Variants in LHFPL2 observed in about 807,000 individuals in gnomAD.
LHFPL2 encodes LHFPL tetraspan subfamily member 2, also known as LHFPL tetraspan subfamily member 2 protein.
LHFPL2 carries 7 observed loss-of-function variants against 17.5 expected under a neutral mutation model. The observed-to-expected ratio is 0.40, with a 90% CI of 0.23 to 0.75. The LOEUF is 0.75. Ranked by LOEUF, LHFPL2 falls within the 30% of genes least tolerant of loss-of-function variation. The pLI is 0.37. For synonymous variants in LHFPL2, 134 were observed against 116.2 expected (o/e 1.15, Z -0.99); for missense variants, 241 against 294.8 (o/e 0.82, Z 1.34).
intron 3 of LHFPL2, among the ~76,000 whole-genome samples, chr5:78,552,391 C>T (rs1437504356): frequency 6.6e-6 from 1 of 152,190 alleles, no homozygotes; most frequent in African/African-American, 2.4e-5. Context: ...CCTCGGCCTC[C>T]CAAAGTGCTG....
chr5:78,521,644 C>T (rs1755461908), intron 3 of LHFPL2, among the ~76,000 whole-genome samples: 1 of 152,160 alleles, frequency 6.6e-6, no homozygotes, highest in Non-Finnish European at 1.5e-5. Flanking sequence ...GTGAGAGGTT[C>T]TGATAAGATA....
At chr5:78,643,019 C>A (rs982577076) in intron 1 of LHFPL2, among the ~76,000 whole-genome samples, 4 of 152,052 alleles carry the variant, frequency 2.6e-5, no homozygotes, top group Non-Finnish European at 5.9e-5. Flanking sequence ...GGAGCTGTTT[C>A]TAAAGTGCAA....
intron 4 of LHFPL2, among the ~76,000 whole-genome samples, chr5:78,493,569 T>G (rs1196518334): frequency 6.6e-6 from 1 of 152,222 alleles, no homozygotes; most frequent in African/African-American, 2.4e-5. Flanking sequence ...AGCAGGACCT[T>G]AATAAAAATT....
At chr5:78,552,770 T>C (rs989482331) in intron 3 of LHFPL2, among the ~76,000 whole-genome samples, 7 of 152,158 alleles carry the variant, frequency 4.6e-5, no homozygotes, top group Non-Finnish European at 7.4e-5. Context: ...TGATAGAAAA[T>C]ATATGGCAAA....
rs149713659 is a variant in LHFPL2, at chr5:78,620,681, C to T, written c.-245+11583G>A. Among the ~76,000 whole-genome samples, 9 of 152,298 alleles carry T rather than the reference C, an allele frequency of 5.9e-5. 1 individual carries two copies. Among genetic ancestry groups the T allele is most frequent in the African/African-American group, 1.9e-4 (8 of 41,572 alleles). ...AGCAGAGGCCAGGGACACCGCTAGG[C>T]ATCCACTATAGGAAGCACAGGACAA... On this transcript the variant is annotated intron_variant, in intron 2 of 4. Transcript: ENST00000380345.
intron 2 of LHFPL2, among the ~76,000 whole-genome samples, chr5:78,566,152 A>G (rs918794383): frequency 9.2e-5 from 14 of 152,256 alleles, no homozygotes; most frequent in African/African-American, 3.4e-4. Context: ...CAAGAAGTCC[A>G]CATGCTTATT....
At chr5:78,493,949 A>G (rs1369089194) in intron 4 of LHFPL2, among the ~76,000 whole-genome samples, 1 of 152,216 alleles carries the variant, frequency 6.6e-6, no homozygotes, top group East Asian at 1.9e-4. Flanking sequence ...GCTTGGTCAT[A>G]GGTTACGTCC....
intron 4 of LHFPL2, among the ~76,000 whole-genome samples, chr5:78,504,646 A>AC (rs1472184243): frequency 6.6e-6 from 1 of 151,642 alleles, no homozygotes; most frequent in East Asian, 1.9e-4. Flanking sequence ...CAAAGGCAAA[A>AC]CCCCCACGTG....
In LHFPL2 at chr5:78,609,035, G is replaced by GTCAACC. The variant is rs1744322920; in HGVS notation, c.-245+23223_-245+23228dup. On this transcript the variant is annotated intron_variant, in intron 2 of 4. Coordinates refer to ENST00000380345, the MANE Select transcript of LHFPL2 (RefSeq NM_005779.3). ...TGGCATGACCTTTCTGCAAGAGTTT[G>GTCAACC]TCAACCTGCATGAATATCCAAAATG... Among the ~76,000 whole-genome samples the GTCAACC allele has an allele frequency of 5.9e-5, 9 of 152,062 alleles. No homozygotes were observed. The South Asian group carries it at 1.9e-3, about 32-fold the overall frequency.
chr5:78,579,430 G>A (rs192418079), intron 2 of LHFPL2, among the ~76,000 whole-genome samples: 7 of 152,144 alleles, frequency 4.6e-5, no homozygotes, highest in Non-Finnish European at 8.8e-5. Context: ...CCATGCTGGT[G>A]CGCTGCACCC....
chr5:78,516,754 C>G (rs181107767), intron 3 of LHFPL2, among the ~76,000 whole-genome samples: 78 of 152,288 alleles, frequency 5.1e-4, no homozygotes, highest in South Asian at 1.9e-3. Flanking sequence ...TCCAAGATGA[C>G]AGGATGATAG....
intron 3 of LHFPL2, among the ~76,000 whole-genome samples, chr5:78,546,112 G>A (rs1328457328): frequency 1.3e-5 from 2 of 152,136 alleles, no homozygotes; most frequent in Non-Finnish European, 2.9e-5. Flanking sequence ...TTAAACCCAA[G>A]CACAAACGCA....
At chr5:78,611,920 G>A (rs977897637) in intron 2 of LHFPL2, among the ~76,000 whole-genome samples, 27 of 152,142 alleles carry the variant, frequency 1.8e-4, no homozygotes, top group African/African-American at 5.3e-4. Context: ...TTCTGAGAAC[G>A]CATGCACACA....
At chr5:78,585,738 T>C (rs2112452574) in intron 2 of LHFPL2, among the ~76,000 whole-genome samples, 1 of 152,342 alleles carries the variant, frequency 6.6e-6, no homozygotes, top group South Asian at 2.1e-4. Context: ...CCTGGCTATA[T>C]GCCGGGCACT....
intron 2 of LHFPL2, among the ~76,000 whole-genome samples, chr5:78,570,066 C>T (rs1756956084): frequency 6.6e-6 from 1 of 152,174 alleles, no homozygotes; most frequent in Non-Finnish European, 1.5e-5. Flanking sequence ...CTTACCTCTT[C>T]CCCAATATTT....
intron 3 of LHFPL2, among the ~76,000 whole-genome samples, chr5:78,534,990 T>G (rs770618622): frequency 6.6e-6 from 1 of 152,244 alleles, no homozygotes; most frequent in South Asian, 2.1e-4. Flanking sequence ...AAAGCTTTAA[T>G]GGCATTTTGT....
chr5:78,582,446 C>T (rs1159974926), intron 2 of LHFPL2, among the ~76,000 whole-genome samples: 2 of 150,938 alleles, frequency 1.3e-5, no homozygotes, highest in African/African-American at 2.4e-5. Flanking sequence ...TCCCTCTACA[C>T]ACTGCTTTGA....
chr5:78,556,712 T>C (rs1167988501), intron 3 of LHFPL2, among the ~76,000 whole-genome samples: 2 of 152,008 alleles, frequency 1.3e-5, no homozygotes, highest in Admixed American at 6.6e-5. Flanking sequence ...GAACTTATAA[T>C]GACATGAGGA....
chr5:78,521,169 G>A (rs1755446348), intron 3 of LHFPL2, among the ~76,000 whole-genome samples: 1 of 152,208 alleles, frequency 6.6e-6, no homozygotes, highest in Non-Finnish European at 1.5e-5. Flanking sequence ...AGAGTCAGAA[G>A]TCATATCCCT....
Sources: allele counts gnomAD v4.1 joint callset (sites outside exome capture counted in the v4.1 genomes callset), GRCh38; gene constraint gnomAD v4.1.1; transcripts MANE v1.5; gene names NCBI Gene and HGNC (gene_info 2026-07-23, HGNC 2026-07-21).